The following SKIC8 variants were observed in gnomAD, a reference collection of about 807,000 sequenced individuals.
SKIC8 encodes superkiller complex protein 8.
At chr15:78,289,815 G>C in the SKIC8 span, 1 of 1,511,654 alleles carries the variant, frequency 6.6e-7, no homozygotes, top group South Asian at 1.2e-5. Context: ...AGGTCTAACT[G>C]GCTACTTGGC....
chr15:78,291,819 G>T, the SKIC8 span: 1 of 152,226 alleles, frequency 6.6e-6, no homozygotes, highest in Non-Finnish European at 1.5e-5. Flanking sequence ...AAAGGGGTGT[G>T]CCAGAGAAAT....
chr15:78,295,202 C>A, the SKIC8 span: 1 of 578,354 alleles, frequency 1.7e-6, no homozygotes, highest in East Asian at 2.9e-5. Context: ...CTCCTTCCTA[C>A]TACCCAAACT....
the SKIC8 span, chr15:78,289,718 C>T: frequency 1.2e-6 from 2 of 1,612,858 alleles, no homozygotes; most frequent in Non-Finnish European, 1.7e-6. Flanking sequence ...GGACTCTGTT[C>T]AGAGAACATA....
chr15:78,295,900 T>G, the SKIC8 span: 2 of 478,280 alleles, frequency 4.2e-6, no homozygotes, highest in Non-Finnish European at 7.2e-6. Context: ...TGGTATGGTC[T>G]TCTTTCTTCC....
the SKIC8 span, chr15:78,294,974 C>T: frequency 6.2e-7 from 1 of 1,613,980 alleles, no homozygotes; most frequent in Admixed American, 1.7e-5. Context: ...GAATACCGTA[C>T]TAAAAAAGAA....
At chr15:78,294,035 A>T in the SKIC8 span, among the ~76,000 whole-genome samples, 1 of 152,222 alleles carries the variant, frequency 6.6e-6, no homozygotes, top group East Asian at 1.9e-4. Context: ...CCTTCCCAAA[A>T]TATGAATATA....
the SKIC8 span, chr15:78,295,245 T>G: frequency 1.8e-6 from 1 of 557,854 alleles, no homozygotes. Flanking sequence ...TTATGTTTTC[T>G]TTTTCTGTTC....
At chr15:78,293,932 T>C in the SKIC8 span, among the ~76,000 whole-genome samples, 6 of 152,352 alleles carry the variant, frequency 3.9e-5, no homozygotes, top group African/African-American at 1.4e-4. Flanking sequence ...TGGTAGGCCA[T>C]GCTGTTGTAT....
chr15:78,296,997 A>C, the SKIC8 span, among the ~76,000 whole-genome samples: 2 of 152,194 alleles, frequency 1.3e-5, no homozygotes, highest in African/African-American at 4.8e-5. Flanking sequence ...ATACATAATC[A>C]TGTTTTATGT....
chr15:78,285,163 T>C, the SKIC8 span: 2 of 1,125,526 alleles, frequency 1.8e-6, no homozygotes, highest in Non-Finnish European at 2.7e-6. Context: ...CATCTACTGG[T>C]ATCCACAGCT....
chr15:78,293,218 G>C, the SKIC8 span: 4 of 1,614,012 alleles, frequency 2.5e-6, no homozygotes, highest in African/African-American at 4.0e-5. Flanking sequence ...CACTGTCTCA[G>C]AGTTTTCCTT....
the SKIC8 span, chr15:78,294,788 TTG>T: frequency 1.9e-5 from 12 of 639,394 alleles, no homozygotes; most frequent in South Asian, 2.4e-5. Context: ...GTTGTTGTTG[TTG>T]TCTGTTTTTT....
chr15:78,294,891 A>AG, the SKIC8 span: 2 of 1,611,488 alleles, frequency 1.2e-6, no homozygotes, highest in African/African-American at 2.7e-5. Context: ...GTCTTAAACC[A>AG]GGGACAACAC....
At chr15:78,287,599 G>C in the SKIC8 span, among the ~76,000 whole-genome samples, 65,215 of 151,958 alleles carry the variant, frequency 0.43, 14,364 homozygotes, top group Admixed American at 0.52. Flanking sequence ...CAATGAGCCA[G>C]AGGCATGCCT....
At chr15:78,291,815 G>A in the SKIC8 span, 1 of 152,222 alleles carries the variant, frequency 6.6e-6, no homozygotes, top group Admixed American at 6.5e-5. Flanking sequence ...CCAAAAAGGG[G>A]TGTGCCAGAG....
chr15:78,284,364 T>G, the SKIC8 span: 3 of 152,202 alleles, frequency 2.0e-5, no homozygotes, highest in Admixed American at 2.0e-4. Flanking sequence ...GTTGGGACAA[T>G]TTAAGTTGAA....
At chr15:78,293,657 A>T in the SKIC8 span, among the ~76,000 whole-genome samples, 1 of 152,238 alleles carries the variant, frequency 6.6e-6, no homozygotes, top group African/African-American at 2.4e-5. Flanking sequence ...CTCCGAAAAG[A>T]TCTTTCGAAA....
chr15:78,290,180 T>C, the SKIC8 span: 1 of 1,431,632 alleles, frequency 7.0e-7, no homozygotes, highest in South Asian at 1.4e-5. Context: ...TACCAAAGGA[T>C]ACATCTTTTT....
At chr15:78,293,229 C>T in the SKIC8 span, 3 of 1,614,148 alleles carry the variant, frequency 1.9e-6, no homozygotes, top group East Asian at 2.2e-5. Flanking sequence ...AGTTTTCCTT[C>T]TTGTTTGTCC....
Sources: gnomAD v4.1 joint callset for allele counts (sites outside exome capture counted in the v4.1 genomes callset) on GRCh38, gnomAD v4.1.1 for gene constraint, MANE v1.5 for transcripts, NCBI Gene and HGNC (gene_info 2026-07-23, HGNC 2026-07-21) for gene names.